The following UBE3A variants were observed in gnomAD, a reference collection of about 807,000 sequenced individuals.
UBE3A encodes ubiquitin-protein ligase E3A.
UBE3A carries 6 observed loss-of-function variants against 83.4 expected under a neutral mutation model. The ratio of observed to expected loss-of-function variants is 0.07; its 90% CI spans 0.04 to 0.14. UBE3A has a LOEUF of 0.14. UBE3A is among the 10% of genes least tolerant of loss of function. The pLI is 1.00. For missense variants in UBE3A, 456 were observed against 1,036.1 expected, an observed-to-expected ratio of 0.44 and a Z score of 7.69; for synonymous variants, 337 against 355.4, an observed-to-expected ratio of 0.95 and a Z score of 0.58.
intron 1 of UBE3A, chr15:25,421,776 T>A (rs1410712612): frequency 6.6e-6 from 1 of 152,102 alleles, no homozygotes; most frequent in Non-Finnish European, 1.5e-5. Flanking sequence ...ACTACACACC[T>A]CTCAGAACGT....
rs1194303501 is a variant in UBE3A, at chr15:25,335,662, A to T, written c.*3475T>A. On this transcript the variant is annotated 3_prime_UTR_variant, in exon 13 of 13. Coordinates refer to ENST00000648336, the MANE Select transcript of UBE3A (RefSeq NM_130839.5). Reference sequence around the variant, plus strand: ...AAGAAACAAAGAATGGTCGGTCGATAGAGATGCAAGATGAAGAATTTTGTT... The same window carrying T: ...AAGAAACAAAGAATGGTCGGTCGATTGAGATGCAAGATGAAGAATTTTGTT... 6.6e-6 allele frequency: 1 copy of T among 152,238 alleles called. No homozygotes were observed. The highest frequency in any genetic ancestry group is 2.4e-5 in the African/African-American group (1 of 41,468). 9.4% of individuals were successfully genotyped at this position (152,238 alleles called of 1,614,324 possible). A position where few individuals can be genotyped will look rare whatever the true frequency, so the allele number is the denominator to read the frequency against.
rs765089240 is a variant in UBE3A, at chr15:25,371,466, A to G, written c.708T>C (p.Ile236=). 6.2e-7 allele frequency: 1 copy of G among 1,614,064 alleles called. No homozygotes were observed. Among genetic ancestry groups the G allele is most frequent in the Non-Finnish European group, 8.5e-7 (1 of 1,180,018 alleles). ...PDDVSVDIDA[I]RRVYTRLLSN... ...AGAGCAATCTGGTGTAGACCCTTCT[A>G]ATGGCATCAATATCCACAGACACAT... Residue 236 remains isoleucine, a synonymous_variant, in exon 6 of 13, where the codon ATT becomes ATC. Coordinates refer to ENST00000648336, the MANE Select transcript of UBE3A (RefSeq NM_130839.5). This position sits in a 1 kb window ranked among gnomAD's most constrained non-coding sequence, Gnocchi z 5.3.
chr15:25,395,445 AT>A (rs1159605772), intron 4 of UBE3A, among the ~76,000 whole-genome samples: 2 of 152,212 alleles, frequency 1.3e-5, no homozygotes, highest in East Asian at 3.9e-4. Context: ...GTTAAAAAAA[AT>A]AAAATGAATT....
intron 4 of UBE3A, among the ~76,000 whole-genome samples, chr15:25,382,707 T>C (rs2082406443): frequency 6.6e-6 from 1 of 151,840 alleles, no homozygotes; most frequent in Non-Finnish European, 1.5e-5. Flanking sequence ...TGGCAAATTC[T>C]TAGATTAAGA....
intron 1 of UBE3A, among the ~76,000 whole-genome samples, chr15:25,431,887 T>C (rs1447441186): frequency 1.3e-5 from 2 of 152,214 alleles, no homozygotes; most frequent in Non-Finnish European, 2.9e-5. Flanking sequence ...TTGGTGCATA[T>C]AACCACAGAG....
rs899801821 is a variant in UBE3A at position 25,334,321 on chromosome 15, G to T, written c.*4816C>A. On this transcript the variant is annotated 3_prime_UTR_variant, in exon 13 of 13. Coordinates refer to ENST00000648336, the MANE Select transcript of UBE3A (RefSeq NM_130839.5). ...ATTAGAAAATAATCATATAATTAAA[G>T]TGGCATCAGTAAAATACTTAGAAAA... 5 of 152,012 alleles carry T rather than the reference G, an allele frequency of 3.3e-5. No homozygotes were observed. Among genetic ancestry groups the T allele is most frequent in the Non-Finnish European group, 5.9e-5 (4 of 68,006 alleles). 9.4% of individuals were successfully genotyped at this position (152,012 alleles called of 1,614,324 possible).
intron 9 of UBE3A, among the ~76,000 whole-genome samples, chr15:25,355,359 A>C (rs1029237482): frequency 3.9e-5 from 6 of 152,194 alleles, no homozygotes; most frequent in African/African-American, 1.2e-4. Flanking sequence ...TCAAAAAATT[A>C]TATCAATATA....
At chr15:25,353,955 C>A (rs1042465132) in intron 11 of UBE3A, 26 of 242,056 alleles carry the variant, frequency 1.1e-4, no homozygotes, top group African/African-American at 6.0e-4. Context: ...TAAAAGACTA[C>A]CATTTCACTC....
At chr15:25,372,573 C>G (rs189700116) in intron 5 of UBE3A, among the ~76,000 whole-genome samples, 53 of 152,308 alleles carry the variant, frequency 3.5e-4, no homozygotes, top group African/African-American at 1.2e-3. Flanking sequence ...TTTTCCTGGG[C>G]ACAGAGTTGG....
rs937753884 is a variant in UBE3A, at chr15:25,337,396, T to TAACA, written c.*1737_*1740dup. 3 of 152,098 alleles carry TAACA rather than the reference T, an allele frequency of 2.0e-5. No homozygotes were observed. Among genetic ancestry groups the TAACA allele is most frequent in the Non-Finnish European group, 4.4e-5 (3 of 68,012 alleles). 9.4% of individuals were successfully genotyped at this position (152,098 alleles called of 1,614,324 possible). ...TTTCATCAAGGTAGCGTATGTACCC[T>TAACA]AACAGTGTTCTAAAGGCTGGCCCAG... On this transcript the variant is annotated 3_prime_UTR_variant, in exon 13 of 13. Transcript: ENST00000648336.
chr15:25,404,966 T>C (rs1293756038), intron 4 of UBE3A, among the ~76,000 whole-genome samples: 1 of 152,234 alleles, frequency 6.6e-6, no homozygotes, highest in East Asian at 1.9e-4. Context: ...TCCTATTGCA[T>C]ACCTGGGTAC....
chr15:25,402,545 T>G (rs1194637246), intron 4 of UBE3A, among the ~76,000 whole-genome samples: 1 of 152,172 alleles, frequency 6.6e-6, no homozygotes, highest in Non-Finnish European at 1.5e-5. Flanking sequence ...GGATCCAGCT[T>G]GGTGCTGGGG....
chr15:25,342,264 C>T (rs569305086), intron 11 of UBE3A, among the ~76,000 whole-genome samples: 1 of 152,168 alleles, frequency 6.6e-6, no homozygotes, highest in East Asian at 1.9e-4. Flanking sequence ...GGCTCTGAAG[C>T]TTAACTGAAC....
intron 4 of UBE3A, among the ~76,000 whole-genome samples, chr15:25,383,348 A>T (rs1322471900): frequency 6.6e-6 from 1 of 152,162 alleles, no homozygotes; most frequent in African/African-American, 2.4e-5. Context: ...TTTAGGATTT[A>T]AAAAAAGGCC....
chr15:25,367,282 T>C (rs1566942579), intron 6 of UBE3A, among the ~76,000 whole-genome samples: 1 of 146,906 alleles, frequency 6.8e-6, no homozygotes, highest in Non-Finnish European at 1.5e-5. Flanking sequence ...TTTACATATT[T>C]AAATTAAATT....
At chr15:25,410,834 G>A (rs1279182768) in intron 2 of UBE3A, among the ~76,000 whole-genome samples, 1 of 152,124 alleles carries the variant, frequency 6.6e-6, no homozygotes, top group Non-Finnish European at 1.5e-5. Flanking sequence ...AGACATTGCT[G>A]AGGTCATATG....
At chr15:25,394,433 T>C (rs555414384) in intron 4 of UBE3A, among the ~76,000 whole-genome samples, 7 of 152,296 alleles carry the variant, frequency 4.6e-5, no homozygotes, top group South Asian at 2.1e-4. Context: ...TGAGAACCTA[T>C]AGGAGAACCA....
intron 3 of UBE3A, chr15:25,408,584 TGCA>T: frequency 6.2e-7 from 1 of 1,613,754 alleles, no homozygotes; most frequent in Non-Finnish European, 8.5e-7. Context: ...ATCTGAATAC[TGCA>T]GCATGAGCTA....
intron 11 of UBE3A, among the ~76,000 whole-genome samples, chr15:25,348,483 C>T (rs575763950): frequency 1.3e-5 from 2 of 152,098 alleles, no homozygotes; most frequent in South Asian, 4.2e-4. Flanking sequence ...AGGTTCTAGC[C>T]AGTGCAATAG....
Sources: allele counts gnomAD v4.1 joint callset (sites outside exome capture counted in the v4.1 genomes callset), GRCh38; gene constraint gnomAD v4.1.1; non-coding constraint Gnocchi (gnomAD v3.1); transcripts MANE v1.5; gene names NCBI Gene and HGNC (gene_info 2026-07-23, HGNC 2026-07-21).